The following ZNF804B variants were observed in gnomAD, a reference collection of about 807,000 sequenced individuals.
ZNF804B encodes the protein zinc finger protein 804B, also known as zinc finger 804B.
Under a neutral mutation model 101.4 loss-of-function variants are expected in ZNF804B, and 80 were observed. That is an observed-to-expected ratio of 0.79 (90% CI 0.66 to 0.95). ZNF804B has a LOEUF of 0.95. Among genes scored for constraint, ZNF804B ranks in the 40% least tolerant of loss-of-function variants. The pLI, the probability that ZNF804B is intolerant of heterozygous loss-of-function variation, is 0.00. For synonymous variants in ZNF804B, 622 were observed against 558.8 expected, an observed-to-expected ratio of 1.11 and a Z score of -1.59; for missense variants, 1,673 against 1,561.9, an observed-to-expected ratio of 1.07 and a Z score of -1.20.
intron 2 of ZNF804B, among the ~76,000 whole-genome samples, chr7:89,268,572 C>CTT (rs139631184): frequency 6.5e-4 from 98 of 150,862 alleles, no homozygotes; most frequent in African/African-American, 1.6e-3. Context: ...ATTTATTTTT[C>CTT]TTTTTTTTTC....
chr7:89,116,017 A>G (rs1266872939), intron 1 of ZNF804B, among the ~76,000 whole-genome samples: 7 of 150,676 alleles, frequency 4.6e-5, no homozygotes, highest in African/African-American at 1.7e-4. Context: ...TGATTCTCCC[A>G]CCTCAGCCTC....
At chr7:88,763,452 G>C (rs913763829) in intron 1 of ZNF804B, among the ~76,000 whole-genome samples, 3 of 151,834 alleles carry the variant, frequency 2.0e-5, no homozygotes, top group Admixed American at 6.6e-5. Flanking sequence ...TCTTTTTAGA[G>C]ACTGTGTGTG....
At position 88,843,723 on chromosome 7, in the gene ZNF804B, C is replaced by G. The variant is rs368384852; in HGVS notation, c.108+83639C>G. ...CTGTACTCCAGCCTGGCTGACAGAG[C>G]GAGACTCTGTCTCAAAAGAAAAAAA... On this transcript the variant is annotated intron_variant, in intron 1 of 3. Transcript: ENST00000333190. Among the ~76,000 whole-genome samples, 22 of 151,774 alleles carry G rather than the reference C, an allele frequency of 1.4e-4. No homozygotes were observed. In the East Asian group the frequency reaches 4.1e-3, roughly 28 times the overall value.
At chr7:89,256,171 A>G (rs1789629262) in intron 2 of ZNF804B, among the ~76,000 whole-genome samples, 1 of 152,164 alleles carries the variant, frequency 6.6e-6, no homozygotes. Flanking sequence ...ACACTTTCAC[A>G]TTTGTACCAA....
intron 2 of ZNF804B, among the ~76,000 whole-genome samples, chr7:89,236,095 G>A (rs1789274658): frequency 6.6e-6 from 1 of 152,020 alleles, no homozygotes; most frequent in African/African-American, 2.4e-5. Flanking sequence ...GACCTCAGCA[G>A]GTAAATTTTT....
intron 1 of ZNF804B, among the ~76,000 whole-genome samples, chr7:88,901,400 C>T (rs1792387970): frequency 6.6e-6 from 1 of 151,858 alleles, no homozygotes; most frequent in African/African-American, 2.4e-5. Flanking sequence ...ATAAAATTCA[C>T]CACATCTTAG....
At chr7:89,090,934 G>A (rs184440691) in intron 1 of ZNF804B, among the ~76,000 whole-genome samples, 6 of 152,080 alleles carry the variant, frequency 3.9e-5, no homozygotes, top group Non-Finnish European at 8.8e-5. Flanking sequence ...AACTGCACAC[G>A]TAATTAAAAA....
Position 88,760,004 on chromosome 7 carries a change from A to C in ZNF804B, c.28A>C (p.Arg10=), listed in dbSNP as rs532242107. Residue 10 remains arginine (R), a synonymous_variant, in exon 1 of 4, where the codon AGA becomes CGA. Transcript: ENST00000333190. The part of the protein sequence containing the change: MACYLVISS[R]HLSNGHYRGI... ...GGCTTGTTACCTGGTCATCAGTTCGAGACATCTCAGCAATGGGCACTACCG... is the reference window on the plus strand; with the variant it reads ...GGCTTGTTACCTGGTCATCAGTTCGCGACATCTCAGCAATGGGCACTACCG... 30 of 1,614,194 alleles carry C rather than the reference A, an allele frequency of 1.9e-5. No individual in the cohort carries two copies. In the African/African-American group the frequency reaches 3.3e-4, roughly 18 times the overall value.
At chr7:89,106,361 T>C (rs976024853) in intron 1 of ZNF804B, among the ~76,000 whole-genome samples, 1 of 152,124 alleles carries the variant, frequency 6.6e-6, no homozygotes, top group Non-Finnish European at 1.5e-5. Context: ...CTTTAAAAGA[T>C]TGGGCACCAG....
chr7:88,861,460 C>G (rs1440527147), intron 1 of ZNF804B, among the ~76,000 whole-genome samples: 1 of 152,134 alleles, frequency 6.6e-6, no homozygotes, highest in Non-Finnish European at 1.5e-5. Context: ...GTACAAATAC[C>G]AGTTAATATC....
At chr7:88,903,498 G>C (rs1306124176) in intron 1 of ZNF804B, among the ~76,000 whole-genome samples, 1 of 152,110 alleles carries the variant, frequency 6.6e-6, no homozygotes. Flanking sequence ...TTGAATCGTA[G>C]TTCTGTTGGA....
At chr7:88,993,988 T>C (rs1419097903) in intron 1 of ZNF804B, among the ~76,000 whole-genome samples, 2 of 151,984 alleles carry the variant, frequency 1.3e-5, no homozygotes, top group East Asian at 3.9e-4. Context: ...CATATATGTA[T>C]AGGCTGATGT....
chr7:88,892,160 A>T (rs181138391), intron 1 of ZNF804B, among the ~76,000 whole-genome samples: 8 of 149,756 alleles, frequency 5.3e-5, no homozygotes, highest in Admixed American at 5.3e-4. Flanking sequence ...GCTACAAATT[A>T]GATATTGTTG....
intron 1 of ZNF804B, among the ~76,000 whole-genome samples, chr7:89,051,180 G>T (rs1236126799): frequency 6.6e-6 from 1 of 151,916 alleles, no homozygotes; most frequent in South Asian, 2.1e-4. Context: ...ATCCTTGCCT[G>T]TGTGTAGGTG....
At chr7:89,332,744 A>G (rs1430434635) in intron 3 of ZNF804B, among the ~76,000 whole-genome samples, 1 of 151,902 alleles carries the variant, frequency 6.6e-6, no homozygotes, top group East Asian at 1.9e-4. Context: ...AGCAGAAGAA[A>G]AGATTTCAAA....
intron 1 of ZNF804B, among the ~76,000 whole-genome samples, chr7:89,148,849 G>C (rs1448198681): frequency 6.6e-6 from 1 of 151,906 alleles, no homozygotes; most frequent in Non-Finnish European, 1.5e-5. Flanking sequence ...ATTCTTTGAT[G>C]AATATCCTTG....
intron 1 of ZNF804B, among the ~76,000 whole-genome samples, chr7:88,838,730 G>A (rs990059288): frequency 6.6e-6 from 1 of 151,736 alleles, no homozygotes; most frequent in Non-Finnish European, 1.5e-5. Flanking sequence ...TTGTGCCTTT[G>A]TTTCTTAATC....
chr7:89,179,078 T>C (rs1175924203), intron 1 of ZNF804B, among the ~76,000 whole-genome samples: 5 of 152,174 alleles, frequency 3.3e-5, no homozygotes, highest in Non-Finnish European at 7.4e-5. Flanking sequence ...TTTTGTCACT[T>C]TTAGGATTCT....
At chr7:89,285,539 A>T (rs921552744) in intron 2 of ZNF804B, among the ~76,000 whole-genome samples, 1 of 134,986 alleles carries the variant, frequency 7.4e-6, no homozygotes, top group African/African-American at 2.9e-5. Flanking sequence ...AAAAAAAAAA[A>T]AAAAAAAAAG....
Sources: gnomAD v4.1 joint callset for allele counts (sites outside exome capture counted in the v4.1 genomes callset) on GRCh38, gnomAD v4.1.1 for gene constraint, MANE v1.5 for transcripts, NCBI Gene and HGNC (gene_info 2026-07-23, HGNC 2026-07-21) for gene names.